KRT8: variants seen among roughly 807,000 people sequenced by gnomAD.
KRT8 encodes keratin, type II cytoskeletal 8.
KRT8 carries 24 observed loss-of-function variants against 43.0 expected under a neutral mutation model. The observed-to-expected ratio is 0.56, with a 90% CI of 0.40 to 0.78. KRT8 has a LOEUF of 0.78. KRT8 is among the 30% of genes least tolerant of loss of function. The probability of loss-of-function intolerance (pLI) is 0.00; values close to 1 mark genes in which losing one functional copy is unlikely to be tolerated. For synonymous variants in KRT8, 214 were observed against 261.2 expected, an observed-to-expected ratio of 0.82 and a Z score of 1.74; for missense variants, 492 against 638.4, an observed-to-expected ratio of 0.77 and a Z score of 2.47.
At chr12:52,935,464 G>A (rs113260429) in intron 2 of KRT8, among the ~76,000 whole-genome samples, 15 of 143,562 alleles carry the variant, frequency 1.0e-4, no homozygotes, top group African/African-American at 2.6e-4. Flanking sequence ...AGGCCGAGGC[G>A]GGTGTATCAC....
At chr12:52,898,161 T>C (rs1941262558) in intron 7 of KRT8, among the ~76,000 whole-genome samples, 2 of 152,074 alleles carry the variant, frequency 1.3e-5, no homozygotes, top group Admixed American at 6.5e-5. Context: ...CGAGACTTCG[T>C]CTCAAAAAAA....
rs1212139507 is a variant in KRT8 at position 52,935,398 on chromosome 12, A to AG, written c.-47+14057_-47+14058insC. Among the ~76,000 whole-genome samples the AG allele has an allele frequency of 1.6e-3, 237 of 145,720 alleles. 14 individuals are homozygous for AG. The highest frequency in any genetic ancestry group is 9.8e-4 in the Non-Finnish European group (65 of 66,488). On this transcript the variant is annotated intron_variant, in intron 2 of 6. Coordinates refer to the KRT8 transcript ENST00000546826. Reference sequence around the variant, plus strand: ...TGTCTCAAAAAAAAAAAAAAAAAAAAAAAAAAAAAAAAGGCCGGGCACAGT... The same window carrying AG: ...TGTCTCAAAAAAAAAAAAAAAAAAAAGAAAAAAAAAAAAGGCCGGGCACAGT...
chr12:52,939,443 G>T (rs1223735267), intron 2 of KRT8, among the ~76,000 whole-genome samples: 1 of 152,100 alleles, frequency 6.6e-6, no homozygotes, highest in Non-Finnish European at 1.5e-5. Flanking sequence ...GGTGGAAGGT[G>T]CAGTGAGCTG....
intron 2 of KRT8, among the ~76,000 whole-genome samples, chr12:52,936,010 T>C (rs1942163806): frequency 6.6e-6 from 1 of 151,804 alleles, no homozygotes; most frequent in Non-Finnish European, 1.5e-5. Flanking sequence ...TCCCAGCACT[T>C]TGGGAGGCCG....
intron 2 of KRT8, among the ~76,000 whole-genome samples, chr12:52,918,255 A>G (rs867909629): frequency 1.1e-4 from 16 of 152,042 alleles, no homozygotes; most frequent in African/African-American, 3.6e-4. Flanking sequence ...AAGAAGAAGA[A>G]GAAACAAAAC....
chr12:52,911,206 G>T (rs1364655425), upstream of KRT8, among the ~76,000 whole-genome samples: 3 of 152,110 alleles, frequency 2.0e-5, no homozygotes, highest in Non-Finnish European at 2.9e-5. Context: ...ACAGAAATTA[G>T]CCGGGCGTGG....
At chr12:52,902,026 C>T (rs1941383930) in exon 2 of KRT8, 1 of 1,603,704 alleles carries the variant, frequency 6.2e-7, no homozygotes, top group Non-Finnish European at 8.5e-7. Flanking sequence ...CTGCAGGAGG[C>T]TCCACTTGGT....
At position 52,934,407 on chromosome 12, in the gene KRT8, A is replaced by T. The variant is rs557498290; in HGVS notation, c.-47+15049T>A. ...AAACCCTGTCTCTACTAAAAAATAC[A>T]AAAAATAGCCAGGATGGTGGCACAC... On this transcript the variant is annotated intron_variant, in intron 2 of 6. Transcript: ENST00000546826. 1.1e-4 allele frequency among the ~76,000 whole-genome samples: 16 copies of T among 151,962 alleles called. No homozygotes were observed. In the South Asian group the frequency reaches 3.3e-3, roughly 32 times the overall value.
chr12:52,897,618 C>A (rs754444654), exon 8 of KRT8: 1 of 1,598,124 alleles, frequency 6.3e-7, no homozygotes, highest in South Asian at 1.1e-5. Context: ...GCTCAGACCA[C>A]CTGGTGAGGG....
chr12:52,922,252 C>G (rs999418042), intron 2 of KRT8, among the ~76,000 whole-genome samples: 1 of 150,782 alleles, frequency 6.6e-6, no homozygotes, highest in Non-Finnish European at 1.5e-5. Flanking sequence ...GAACTGGACC[C>G]CGTCTGCCTC....
chr12:52,938,005 A>C (rs1942196098), intron 2 of KRT8, among the ~76,000 whole-genome samples: 1 of 150,000 alleles, frequency 6.7e-6, no homozygotes, highest in African/African-American at 2.4e-5. Context: ...ATCTCAAAAA[A>C]AAAAAAAAAA....
At chr12:52,930,945 G>A (rs1942072252) in intron 2 of KRT8, among the ~76,000 whole-genome samples, 1 of 152,128 alleles carries the variant, frequency 6.6e-6, no homozygotes, top group African/African-American at 2.4e-5. Flanking sequence ...TTATCTAGAT[G>A]ATTGCAGTAA....
exon 2 of KRT8, chr12:52,901,941 C>T: frequency 1.2e-6 from 2 of 1,610,724 alleles, no homozygotes; most frequent in Non-Finnish European, 1.7e-6. Context: ...GGCCCAGAGT[C>T]TCCAGCTGCC....
At chr12:52,901,314 T>C in intron 2 of KRT8, 95 bp from the exon 3 acceptor site, 1 of 906,954 alleles carries the variant, frequency 1.1e-6, no homozygotes, top group East Asian at 2.4e-5. Context: ...ATCAGGAAAA[T>C]TCAGTTCACA....
chr12:52,938,170 A>ATATATATATATATATATATATATATTTT (rs1555189967), intron 2 of KRT8, among the ~76,000 whole-genome samples: 1 of 30,322 alleles, frequency 3.3e-5, no homozygotes, highest in African/African-American at 1.4e-4. Flanking sequence ...ATATATATAT[A>ATATATATATATATATATATATATATTTT]TTTTTTTTTT....
upstream of KRT8, among the ~76,000 whole-genome samples, chr12:52,906,006 G>A (rs111248482): frequency 0.037 from 5,623 of 152,240 alleles, 339 homozygotes; most frequent in African/African-American, 0.12. Context: ...ACTTGAACCC[G>A]GGAGGCAGAG....
In KRT8 at chr12:52,899,537, G is replaced by A. The variant is rs959827949; in HGVS notation, c.981+238C>T. Among the ~76,000 whole-genome samples the A allele has an allele frequency of 9.2e-5, 14 of 152,086 alleles. 1 individual carries two copies. In the East Asian group the frequency reaches 2.5e-3, roughly 27 times the overall value. On this transcript the variant is annotated intron_variant, in intron 5 of 7. Transcript: ENST00000692008. Reference sequence around the variant, plus strand: ...AAGCAGGCTTGGGAGCATGTATCACGAGCCCCAACATACCTGCCCCAGTCC... The same window carrying A: ...AAGCAGGCTTGGGAGCATGTATCACAAGCCCCAACATACCTGCCCCAGTCC...
upstream of KRT8, among the ~76,000 whole-genome samples, chr12:52,908,006 TG>T (rs979162335): frequency 3.9e-5 from 6 of 152,176 alleles, no homozygotes; most frequent in African/African-American, 1.2e-4. Flanking sequence ...CAGACAACTC[TG>T]CCTCAAACCG....
chr12:52,902,890 T>C (rs1565718581), intron 1 of KRT8, among the ~76,000 whole-genome samples: 2 of 152,058 alleles, frequency 1.3e-5, no homozygotes, highest in Admixed American at 1.3e-4. Flanking sequence ...CACGCACTTG[T>C]AGTCCCAGCT....
Sources: allele counts gnomAD v4.1 joint callset (sites outside exome capture counted in the v4.1 genomes callset), GRCh38; gene constraint gnomAD v4.1.1; transcripts MANE v1.5; gene names NCBI Gene and HGNC (gene_info 2026-07-23, HGNC 2026-07-21).